Variants in FAM47C observed in about 807,000 individuals in gnomAD.
The protein encoded by FAM47C is family with sequence similarity 47 member C, also known as putative protein FAM47C.
For synonymous variants in FAM47C, 307 were observed against 346.5 expected, an observed-to-expected ratio of 0.89 and a Z score of 1.27; for missense variants, 847 against 879.9, an observed-to-expected ratio of 0.96 and a Z score of 0.47.
chrX:37,008,457 A>G lies in FAM47C; in HGVS notation c.47A>G (p.Asp16Gly), dbSNP rs1927660223. The change falls in exon 1 of 1, where the codon GAC becomes GGC. Residue 16 changes from aspartate (D) to glycine (G), a missense_variant. Transcript: ENST00000358047. ...PQDRPSSPGM[D>G]STPWYCDKPP... ...GACCGGCCCAGTTCCCCGGGCATGG[A>G]CTCCACGCCCTGGTACTGTGACAAA... 1.7e-6 allele frequency: 2 copies of G among 1,210,810 alleles called. No homozygotes were observed. Among genetic ancestry groups the G allele is most frequent in the African/African-American group, 1.7e-5 (1 of 57,831 alleles).
At position 37,008,391 on chromosome X, in the gene FAM47C, G is replaced by A; in HGVS notation, c.-20G>A. The A allele has an allele frequency of 8.5e-7, 1 of 1,173,318 alleles. No homozygotes were observed. The highest frequency in any genetic ancestry group is 1.1e-6 in the Non-Finnish European group (1 of 873,808). On this transcript the variant is annotated 5_prime_UTR_variant, in exon 1 of 1. Transcript: ENST00000358047. ...AGGAACCGCGGAAACTGGAGAGGTG[G>A]CACCCCAGCGAGGGCCACCATGGGG...
In FAM47C at chrX:37,011,260, G is replaced by T. The variant is rs1205642232; in HGVS notation, c.2850G>T (p.Lys950Asn). Reference protein sequence around the residue: ...AWYLKPKLGKKLRSDEPLIDP... With the variant: ...AWYLKPKLGKNLRSDEPLIDP... ...ACCTCAAGCCTAAGTTGGGGAAAAA[G>T]CTAAGAAGTGATGAACCTTTGATTG... Residue 950 changes from lysine to asparagine, a missense_variant, in exon 1 of 1, where the codon AAG becomes AAT. By Grantham distance (94) the Lys-to-Asn change is moderately conservative. Transcript: ENST00000358047. 8.3e-7 allele frequency: 1 copy of T among 1,209,005 alleles called. No homozygotes were observed. Among genetic ancestry groups the T allele is most frequent in the African/African-American group, 1.7e-5 (1 of 57,146 alleles).
Position 37,009,670 on chromosome X carries a change from G to A in FAM47C, c.1260G>A (p.Lys420=). Residue 420 remains lysine, a synonymous_variant, in exon 1 of 1, where the codon AAG becomes AAA. Coordinates refer to ENST00000358047, the MANE Select transcript of FAM47C (RefSeq NM_001013736.3). The part of the protein sequence containing the change: ...RISNLRSEPP[K]IGVSHLCLEP... ...CTAATCTCCGCTCGGAGCCTCCCAA[G>A]ATTGGAGTGTCCCATCTCTGCCTGG... 8.3e-7 allele frequency: 1 copy of A among 1,208,627 alleles called. No homozygotes were observed. The highest frequency in any genetic ancestry group is 1.8e-5 in the South Asian group (1 of 56,760).
rs1299179792 is a variant in FAM47C, at chrX:37,009,842, C to A, written c.1432C>A (p.Pro478Thr). Reference protein sequence around the residue: ...ETGVSHLCPEPPEKDVSHLRP... With the variant: ...ETGVSHLCPETPEKDVSHLRP... ...TGGAGTGTCCCATCTCTGCCCGGAGCCTCCAGAGAAGGACGTATCTCATCT... is the reference window on the plus strand; with the variant it reads ...TGGAGTGTCCCATCTCTGCCCGGAGACTCCAGAGAAGGACGTATCTCATCT... The change falls in exon 1 of 1, where the codon CCT becomes ACT. Residue 478 changes from proline (P) to threonine (T), a missense_variant. Coordinates refer to ENST00000358047, the MANE Select transcript of FAM47C (RefSeq NM_001013736.3). 9 of 1,202,181 alleles carry A rather than the reference C, an allele frequency of 7.5e-6. No homozygotes were observed. The highest frequency in any genetic ancestry group is 1.0e-5 in the Non-Finnish European group (9 of 892,342).
chrX:37,009,403 C>T lies in FAM47C; in HGVS notation c.993C>T (p.His331=). The change falls in exon 1 of 1, where the codon CAC becomes CAT. Residue 331 remains histidine, a synonymous_variant. Coordinates refer to ENST00000358047, the MANE Select transcript of FAM47C (RefSeq NM_001013736.3). ...EPSETGVSHL[H]PEPPKTLVSS... ...CTGAGACTGGAGTGTCCCATCTCCA[C>T]CCAGAGCCTCCCAAGACTCTGGTGT... 3.3e-6 allele frequency: 4 copies of T among 1,209,108 alleles called. No homozygotes were observed. The highest frequency in any genetic ancestry group is 4.5e-6 in the Non-Finnish European group (4 of 894,718).
chrX:37,009,567 G>T lies in FAM47C; in HGVS notation c.1157G>T (p.Arg386Leu). The T allele has an allele frequency of 8.3e-7, 1 of 1,206,601 alleles. No homozygotes were observed. The highest frequency in any genetic ancestry group is 1.8e-5 in the South Asian group (1 of 56,688). The change falls in exon 1 of 1, where the codon CGC (arginine) becomes CTC (leucine). Residue 386 changes from arginine (R) to leucine (L), a missense_variant. By Grantham distance (102) the Arg-to-Leu change is moderately radical. Coordinates refer to ENST00000358047, the MANE Select transcript of FAM47C (RefSeq NM_001013736.3). ...CTCTGCCCGGAACCTCCCAAGACTC[G>T]CGTACCTCCTCTCCGCCCAGAGACC... ...SHLCPEPPKTRVPPLRPETPK... is the reference protein window; with the variant it reads ...SHLCPEPPKTLVPPLRPETPK...
Position 37,008,894 on chromosome X carries a change from G to A in FAM47C, c.484G>A (p.Ala162Thr), listed in dbSNP as rs186119759. 2 of 1,210,205 alleles carry A rather than the reference G, an allele frequency of 1.7e-6. No individual in the cohort carries two copies. Among genetic ancestry groups the A allele is most frequent in the East Asian group, 3.0e-5 (1 of 33,750 alleles). ...GGACCCTGAGAGGAAGCTGGAGGAC[G>A]CAGGCTCTTGTGAGGGCCAGGAGAA... is the stretch of plus-strand genomic sequence containing the variant. ...PLDPERKLED[A>T]GSCEGQEKTT... The change falls in exon 1 of 1, where the codon GCA becomes ACA. Residue 162 changes from alanine (A) to threonine (T), a missense_variant. Coordinates refer to ENST00000358047, the MANE Select transcript of FAM47C (RefSeq NM_001013736.3).
chrX:37,008,932 A>C lies in FAM47C; in HGVS notation c.522A>C (p.Glu174Asp), dbSNP rs147623513. The part of the protein sequence containing the change: ...SCEGQEKTTD[E>D]PTEPGKYPCG... ...AGGGCCAGGAGAAGACAACTGACGA[A>C]CCCACGGAGCCTGGTAAATACCCCT... The change falls in exon 1 of 1, where the codon GAA becomes GAC. Residue 174 changes from glutamate (E) to aspartate (D), a missense_variant. By Grantham distance (45) the Glu-to-Asp change is conservative. Transcript: ENST00000358047. 2.0e-4 allele frequency: 237 copies of C among 1,209,699 alleles called. No individual in the cohort carries two copies. The African/African-American group carries it at 3.7e-3, about 19-fold the overall frequency.
rs1273191297 is a variant in FAM47C, at chrX:37,011,634, A to G, written c.*116A>G. The stretch of plus-strand genomic sequence containing the variant: ...AACGTTGGCAACATCTGTAAATTCA[A>G]TACCTAATGTTTATAAATATTTCTT... On this transcript the variant is annotated 3_prime_UTR_variant, in exon 1 of 1. Transcript: ENST00000358047. 9.9e-6 allele frequency: 6 copies of G among 603,770 alleles called. No homozygotes were observed. In the Admixed American group the frequency reaches 1.5e-4, roughly 15 times the overall value. The allele number at this position is 603,770 out of a possible 1,213,427, so 49.8% of individuals were successfully genotyped here. A position where few individuals can be genotyped will look rare whatever the true frequency, so the allele number is the denominator to read the frequency against.
Position 37,008,699 on chromosome X carries a change from C to T in FAM47C, c.289C>T (p.Leu97=). 1.6e-6 allele frequency: 2 copies of T among 1,212,240 alleles called. No homozygotes were observed. Among genetic ancestry groups the T allele is most frequent in the Non-Finnish European group, 2.2e-6 (2 of 895,603 alleles). Residue 97 remains leucine (L), a synonymous_variant, in exon 1 of 1, where the codon CTG becomes TTG. Coordinates refer to ENST00000358047, the MANE Select transcript of FAM47C (RefSeq NM_001013736.3). The part of the protein sequence containing the change: ...QADPKSRKKK[L]LKKAALFSKL... The stretch of plus-strand genomic sequence containing the variant: ...TGACCCCAAAAGCAGGAAGAAAAAG[C>T]TGCTCAAGAAAGCGGCCCTGTTTTC...
Position 37,010,449 on chromosome X carries a change from C to A in FAM47C, c.2039C>A (p.Pro680Gln). ...PPETGVSHLC[P>Q]EPPETRVSHL... ...GAGACTGGAGTGTCCCATCTCTGCC[C>A]GGAGCCTCCAGAGACTCGCGTATCT... is the stretch of plus-strand genomic sequence containing the variant. Residue 680 changes from proline to glutamine, a missense_variant, in exon 1 of 1, where the codon CCG becomes CAG. By Grantham distance (76) the Pro-to-Gln change is moderately conservative. Transcript: ENST00000358047. 3 of 1,190,783 alleles carry A rather than the reference C, an allele frequency of 2.5e-6. No individual in the cohort carries two copies. The Admixed American group carries it at 6.8e-5, about 27-fold the overall frequency.
Position 37,010,494 on chromosome X carries a change from C to G in FAM47C, c.2084C>G (p.Pro695Arg). 2 of 1,207,451 alleles carry G rather than the reference C, an allele frequency of 1.7e-6. No individual in the cohort carries two copies. The highest frequency in any genetic ancestry group is 2.2e-6 in the Non-Finnish European group (2 of 893,944). The part of the protein sequence containing the change: ...TRVSHLRPEP[P>R]ETGVSRLHPE... The stretch of plus-strand genomic sequence containing the variant: ...GTATCTCATCTCCGCCCAGAGCCTC[C>G]TGAGACTGGAGTGTCCCGTCTCCAC... The change falls in exon 1 of 1, where the codon CCT becomes CGT. Residue 695 changes from proline (P) to arginine (R), a missense_variant. Transcript: ENST00000358047.
Position 37,010,396 on chromosome X carries a change from G to A in FAM47C, c.1986G>A (p.Arg662=), listed in dbSNP as rs1378035532. 1.7e-6 allele frequency: 2 copies of A among 1,167,314 alleles called. No individual in the cohort carries two copies. Among genetic ancestry groups the A allele is most frequent in the African/African-American group, 2.3e-5 (1 of 43,700 alleles). The part of the protein sequence containing the change: ...SHLCPEPPKT[R]VSSLPPEPPE... ...TCTGCCCAGAGCCTCCCAAGACTCG[G>A]GTGTCCAGTCTCCCCCCGGAGCCCC... Residue 662 remains arginine, a synonymous_variant, in exon 1 of 1, where the codon CGG becomes CGA. Coordinates refer to ENST00000358047, the MANE Select transcript of FAM47C (RefSeq NM_001013736.3).
Position 37,008,899 on chromosome X carries a change from C to G in FAM47C, c.489C>G (p.Gly163=), listed in dbSNP as rs782247299. The G allele has an allele frequency of 6.6e-6, 8 of 1,210,309 alleles. No homozygotes were observed. In the African/African-American group the frequency reaches 7.0e-5, roughly 11 times the overall value. ...CTGAGAGGAAGCTGGAGGACGCAGG[C>G]TCTTGTGAGGGCCAGGAGAAGACAA... ...LDPERKLEDA[G]SCEGQEKTTD... The change falls in exon 1 of 1, where the codon GGC becomes GGG. Residue 163 remains glycine (G), a synonymous_variant. Transcript: ENST00000358047.
chrX:37,008,957 T>G lies in FAM47C; in HGVS notation c.547T>G (p.Cys183Gly), dbSNP rs782731614. Residue 183 changes from cysteine (C) to glycine (G), a missense_variant, in exon 1 of 1, where the codon TGT (cysteine) becomes GGT (glycine). Cys to Gly is a radical substitution (Grantham distance 159). Coordinates refer to ENST00000358047, the MANE Select transcript of FAM47C (RefSeq NM_001013736.3). Reference sequence around the variant, plus strand: ...ACCCACGGAGCCTGGTAAATACCCCTGTGGGGAATTCTCCCCTCGGCCTCC... The same window carrying G: ...ACCCACGGAGCCTGGTAAATACCCCGGTGGGGAATTCTCCCCTCGGCCTCC... ...DEPTEPGKYP[C>G]GEFSPRPPET... The G allele has an allele frequency of 8.3e-6, 10 of 1,211,678 alleles. No individual in the cohort carries two copies. In the South Asian group the frequency reaches 1.4e-4, roughly 17 times the overall value.
Position 37,009,061 on chromosome X carries a change from T to A in FAM47C, c.651T>A (p.Thr217=), listed in dbSNP as rs1453987441. The change falls in exon 1 of 1, where the codon ACT becomes ACA. Residue 217 remains threonine (T), a synonymous_variant. Coordinates refer to ENST00000358047, the MANE Select transcript of FAM47C (RefSeq NM_001013736.3). ...VSSLRPEPPE[T]GVSHLRPQPP... ...GTCTCCGCCCGGAGCCTCCAGAGAC[T>A]GGAGTGTCCCATCTCCGCCCACAGC... 3.3e-6 allele frequency: 4 copies of A among 1,208,729 alleles called. No homozygotes were observed. The Admixed American group carries it at 8.7e-5, about 26-fold the overall frequency.
chrX:37,009,933 C>T lies in FAM47C; in HGVS notation c.1523C>T (p.Ser508Phe). The change falls in exon 1 of 1, where the codon TCT (serine) becomes TTT (phenylalanine). Residue 508 changes from serine (S) to phenylalanine (F), a missense_variant. Physicochemically the swap from Ser to Phe is radical, Grantham distance 155 (BLOSUM62 -2). Coordinates refer to ENST00000358047, the MANE Select transcript of FAM47C (RefSeq NM_001013736.3). ...LCPEPPKTRVSHLRPEPSETG... is the reference protein window; with the variant it reads ...LCPEPPKTRVFHLRPEPSETG... ...CCAGAGCCCCCCAAGACACGCGTATCTCATCTCCGCCCAGAGCCTTCTGAG... is the reference window on the plus strand; with the variant it reads ...CCAGAGCCCCCCAAGACACGCGTATTTCATCTCCGCCCAGAGCCTTCTGAG... The T allele has an allele frequency of 1.7e-6, 2 of 1,204,785 alleles. No individual in the cohort carries two copies. Among genetic ancestry groups the T allele is most frequent in the Non-Finnish European group, 2.2e-6 (2 of 892,653 alleles).
chrX:37,009,217 T>A lies in FAM47C; in HGVS notation c.807T>A (p.His269Gln). 1 of 1,209,807 alleles carries A rather than the reference T, an allele frequency of 8.3e-7. No individual in the cohort carries two copies. The highest frequency in any genetic ancestry group is 1.1e-6 in the Non-Finnish European group (1 of 894,967). Residue 269 changes from histidine (H) to glutamine (Q), a missense_variant, in exon 1 of 1, where the codon CAT (histidine) becomes CAA (glutamine). By Grantham distance (24) the His-to-Gln change is conservative. Transcript: ENST00000358047. ...HLEPPETGVSHLYLEPPGTGV... is the reference protein window; with the variant it reads ...HLEPPETGVSQLYLEPPGTGV... ...AGCCTCCCGAGACTGGAGTGTCCCA[T>A]CTCTACCTGGAGCCTCCTGGGACTG... is the stretch of plus-strand genomic sequence containing the variant.
chrX:37,010,941 A>G lies in FAM47C; in HGVS notation c.2531A>G (p.Gln844Arg). The G allele has an allele frequency of 8.2e-7, 1 of 1,212,165 alleles. No homozygotes were observed. The highest frequency in any genetic ancestry group is 1.1e-6 in the Non-Finnish European group (1 of 895,648). ...STMECVSDSL[Q>R]RRHTSRKLRD... ...ATGGAGTGTGTTTCTGACTCTCTTCAACGTAGACACACATCGAGAAAACTC... is the reference window on the plus strand; with the variant it reads ...ATGGAGTGTGTTTCTGACTCTCTTCGACGTAGACACACATCGAGAAAACTC... The change falls in exon 1 of 1, where the codon CAA becomes CGA. Residue 844 changes from glutamine to arginine, a missense_variant. Physicochemically the swap from Gln to Arg is conservative, Grantham distance 43. Transcript: ENST00000358047.
Sources: allele counts gnomAD v4.1 joint callset, GRCh38; gene constraint gnomAD v4.1.1; transcripts MANE v1.5; gene names NCBI Gene and HGNC (gene_info 2026-07-23, HGNC 2026-07-21).